The following DAP3 variants were observed in gnomAD, a reference collection of about 807,000 sequenced individuals.
DAP3 encodes the protein death associated protein 3.
A neutral mutation model predicts 51.9 loss-of-function variants in DAP3; 28 were observed. That is an observed-to-expected ratio of 0.54 (90% CI 0.40 to 0.74). The LOEUF (loss-of-function observed/expected upper bound fraction) is 0.74, where lower values mean the gene tolerates loss of function less well. Among genes scored for constraint, DAP3 ranks in the 30% least tolerant of loss-of-function variants. The pLI, the probability that DAP3 is intolerant of heterozygous loss-of-function variation, is 0.00. For missense variants in DAP3, 458 were observed against 483.5 expected, an observed-to-expected ratio of 0.95 and a Z score of 0.49; for synonymous variants, 170 against 170.3, an observed-to-expected ratio of 1.00 and a Z score of 0.01.
In DAP3 at chr1:155,690,956, G is replaced by A. The variant is rs1464281169; in HGVS notation, c.-8+1782G>A. Among the ~76,000 whole-genome samples, 3 of 141,814 alleles carry A rather than the reference G, an allele frequency of 2.1e-5. 1 individual carries two copies. The highest frequency in any genetic ancestry group is 6.6e-5 in the Admixed American group (1 of 15,128). 93.0% of individuals were successfully genotyped at this position (141,814 alleles called of 152,430 possible). On this transcript the variant is annotated intron_variant, in intron 1 of 12. Coordinates refer to ENST00000368336, the MANE Select transcript of DAP3 (RefSeq NM_004632.4). The stretch of plus-strand genomic sequence containing the variant: ...GGAGTCTCGCTCTGTCACCCAGGCT[G>A]GAGTGCAGTGGCGCGATCTCGGCTC...
chr1:155,735,030 C>G (rs1441422134), intron 11 of DAP3, among the ~76,000 whole-genome samples: 1 of 149,586 alleles, frequency 6.7e-6, no homozygotes, highest in African/African-American at 2.5e-5. Context: ...TTTGGGAGGC[C>G]GAGGCGGGCA....
chr1:155,734,156 C>G (rs745980057), intron 11 of DAP3, among the ~76,000 whole-genome samples: 5 of 151,904 alleles, frequency 3.3e-5, no homozygotes, highest in Non-Finnish European at 5.9e-5. Flanking sequence ...GGCCCTATCT[C>G]AACAGGAAAA....
chr1:155,712,607 C>T (rs1412519867), intron 2 of DAP3, among the ~76,000 whole-genome samples: 6 of 106,550 alleles, frequency 5.6e-5, no homozygotes, highest in Admixed American at 1.1e-4. Context: ...AGTGAAACTC[C>T]GTCTCAAAAA....
chr1:155,725,325 C>T (rs1658448883), intron 4 of DAP3, 57 bp from the exon 5 acceptor site: 2 of 1,473,968 alleles, frequency 1.4e-6, no homozygotes, highest in South Asian at 2.3e-5. Context: ...ATATATACCA[C>T]CCCCCACCCA....
intron 1 of DAP3, among the ~76,000 whole-genome samples, chr1:155,694,442 A>G (rs1043107225): frequency 3.5e-5 from 5 of 141,596 alleles, no homozygotes; most frequent in Non-Finnish European, 2.9e-5. Context: ...ACTTACCACC[A>G]TGGTAATTAC....
chr1:155,688,323 GGCGGCAGCGGCGGCAGCAGAGTGGCC>G, upstream of DAP3: 1 of 1,548,834 alleles, frequency 6.5e-7, no homozygotes, highest in Non-Finnish European at 8.7e-7. Context: ...CCAAAATGGC[GGCGGCAGCGGCGGCAGCAGAGTGGCC>G]GCGGCAGCTC....
chr1:155,694,408 T>C (rs1357944993), intron 1 of DAP3, among the ~76,000 whole-genome samples: 1 of 141,586 alleles, frequency 7.1e-6, no homozygotes, highest in African/African-American at 3.2e-5. Context: ...AGGTATAATT[T>C]TGGTCTGCTG....
intron 1 of DAP3, chr1:155,708,948 G>C (rs348209): frequency 6.6e-6 from 1 of 151,856 alleles, no homozygotes; most frequent in Non-Finnish European, 1.5e-5. Context: ...TGATCTGCCC[G>C]CCTCGGCCTC....
At chr1:155,729,911 T>A (rs1396120138) in intron 9 of DAP3, among the ~76,000 whole-genome samples, 5 of 151,686 alleles carry the variant, frequency 3.3e-5, no homozygotes, top group African/African-American at 1.2e-4. Flanking sequence ...GAGAAACCCA[T>A]CTCTACTAAA....
At chr1:155,702,864 G>A (rs1655486175) in intron 1 of DAP3, among the ~76,000 whole-genome samples, 1 of 152,166 alleles carries the variant, frequency 6.6e-6, no homozygotes, top group African/African-American at 2.4e-5. Flanking sequence ...CAGCTACTCA[G>A]GAGGCTGAGG....
At chr1:155,713,979 A>G (rs1251286225) in intron 2 of DAP3, among the ~76,000 whole-genome samples, 1 of 152,192 alleles carries the variant, frequency 6.6e-6, no homozygotes, top group Non-Finnish European at 1.5e-5. Context: ...TTTTGACTGG[A>G]GGTGTCTGGC....
intron 6 of DAP3, 145 bp downstream of exon 6, chr1:155,726,164 A>G (rs1658561798): frequency 3.3e-6 from 2 of 601,806 alleles, no homozygotes. Context: ...GCCAGTCTGG[A>G]GTGCAGAGGC....
At chr1:155,702,658 C>G (rs913651134) in intron 1 of DAP3, among the ~76,000 whole-genome samples, 2 of 151,990 alleles carry the variant, frequency 1.3e-5, no homozygotes, top group Non-Finnish European at 2.9e-5. Flanking sequence ...ATTGAATTGT[C>G]TTGGCATCCA....
chr1:155,692,005 T>G, intron 1 of DAP3, among the ~76,000 whole-genome samples: 1 of 141,760 alleles, frequency 7.1e-6, no homozygotes, highest in South Asian at 2.1e-4. Context: ...GTACAGTCAC[T>G]TAGATCTAAG....
At chr1:155,717,200 A>T in intron 3 of DAP3, 72 bp downstream of exon 3, 2 of 1,577,178 alleles carry the variant, frequency 1.3e-6, no homozygotes, top group Non-Finnish European at 1.7e-6. Context: ...TTTGCATAGG[A>T]AAACTGAAAC....
At chr1:155,696,140 G>A (rs1038743525) in intron 1 of DAP3, among the ~76,000 whole-genome samples, 5 of 152,168 alleles carry the variant, frequency 3.3e-5, no homozygotes, top group African/African-American at 1.2e-4. Context: ...GACTGTAAGT[G>A]TTTTCATGGT....
intron 1 of DAP3, among the ~76,000 whole-genome samples, chr1:155,690,231 G>C (rs1653559556): frequency 7.1e-6 from 1 of 141,676 alleles, no homozygotes; most frequent in Admixed American, 6.6e-5. Context: ...TCCAGATGTG[G>C]AATCTTCTAC....
intron 5 of DAP3, 30 bp downstream of exon 5, chr1:155,725,520 T>G (rs369172189): frequency 3.8e-6 from 6 of 1,575,276 alleles, no homozygotes; most frequent in Non-Finnish European, 5.2e-6. Context: ...TGGACCCTCA[T>G]GAACCAATGC....
intron 7 of DAP3, among the ~76,000 whole-genome samples, chr1:155,728,476 C>T (rs1387060579): frequency 6.6e-6 from 1 of 152,064 alleles, no homozygotes; most frequent in Non-Finnish European, 1.5e-5. Context: ...GCAGGGGAAT[C>T]TCTTGAACCT....
Sources: gnomAD v4.1 joint callset for allele counts (sites outside exome capture counted in the v4.1 genomes callset) on GRCh38, gnomAD v4.1.1 for gene constraint, MANE v1.5 for transcripts, NCBI Gene and HGNC (gene_info 2026-07-23, HGNC 2026-07-21) for gene names.